The following ITSN2 variants were observed in gnomAD, a reference collection of about 807,000 sequenced individuals.
The protein encoded by ITSN2 is intersectin 2.
Under a neutral mutation model 243.7 loss-of-function variants are expected in ITSN2, and 156 were observed. The observed-to-expected ratio is 0.64, with a 90% CI of 0.56 to 0.73. The LOEUF is 0.73. Among genes scored for constraint, ITSN2 ranks in the 30% least tolerant of loss-of-function variants. ITSN2 has a pLI of 0.00. For missense variants in ITSN2, 1,801 were observed against 1,996.1 expected, an observed-to-expected ratio of 0.90 and a Z score of 1.86; for synonymous variants, 703 against 699.9, an observed-to-expected ratio of 1.00 and a Z score of -0.07.
At position 24,356,287 on chromosome 2, in the gene ITSN2, G is replaced by A. The variant is rs182377378; in HGVS notation, c.-34+4017C>T. Among the ~76,000 whole-genome samples, 353 of 148,442 alleles carry A rather than the reference G, an allele frequency of 2.4e-3. 1 individual carries two copies. The highest frequency in any genetic ancestry group is 3.9e-3 in the Non-Finnish European group (263 of 67,374). ...GGTGAACCTGGTAGGCAGAGATTGT[G>A]GTGAGCCAAGATGGCACCACGGCAC... On this transcript the variant is annotated intron_variant, in intron 1 of 39. Coordinates refer to ENST00000355123, the MANE Select transcript of ITSN2 (RefSeq NM_006277.3).
At chr2:24,290,711 C>T (rs1351045016) in intron 15 of ITSN2, among the ~76,000 whole-genome samples, 1 of 152,202 alleles carries the variant, frequency 6.6e-6, no homozygotes, top group Non-Finnish European at 1.5e-5. Context: ...AAATCACTTA[C>T]TGAAAGCCCA....
In ITSN2 at chr2:24,257,878, A is replaced by G; in HGVS notation, c.2888+10T>C. 6.2e-7 allele frequency: 1 copy of G among 1,601,930 alleles called. No homozygotes were observed. The highest frequency in any genetic ancestry group is 1.1e-5 in the South Asian group (1 of 90,788). On this transcript the variant is annotated intron_variant, in intron 23 of 39. Transcript: ENST00000355123. ...ATCCACATCTCATGAAAACACATAA[A>G]GATGCTTACTCTTCCCGTTTTACTT... is the stretch of plus-strand genomic sequence containing the variant.
At position 24,308,635 on chromosome 2, in the gene ITSN2, T is replaced by C. The variant is rs373744022; in HGVS notation, c.775A>G (p.Met259Val). The change falls in exon 8 of 40, where the codon ATG becomes GTG. Residue 259 changes from methionine (M) to valine (V), a missense_variant. Physicochemically the swap from Met to Val is conservative, Grantham distance 21. Coordinates refer to ENST00000355123, the MANE Select transcript of ITSN2 (RefSeq NM_006277.3). ...TGCTTACCTGAGAGATATCCACTCA[T>C]ACTTTTGTCAAGAGTATTAAATTTT... ...RQKFNTLDKS[M>V]SGYLSGFQAR... The C allele has an allele frequency of 1.9e-5, 28 of 1,513,094 alleles. No homozygotes were observed. The highest frequency in any genetic ancestry group is 2.3e-5 in the Non-Finnish European group (26 of 1,126,062). The allele number at this position is 1,513,094 out of a possible 1,614,324, so 93.7% of individuals were successfully genotyped here.
intron 1 of ITSN2, among the ~76,000 whole-genome samples, chr2:24,328,503 C>T (rs529683446): frequency 2.8e-4 from 43 of 151,820 alleles, no homozygotes; most frequent in African/African-American, 9.9e-4. Context: ...CACTCTGTCA[C>T]CCAGGCTGGA....
chr2:24,248,371 A>G (rs527250779), intron 27 of ITSN2, among the ~76,000 whole-genome samples: 1 of 152,302 alleles, frequency 6.6e-6, no homozygotes, highest in South Asian at 2.1e-4. Flanking sequence ...TGAATTATAA[A>G]GGAATGCATT....
At chr2:24,318,875 T>G (rs1270595252) in intron 2 of ITSN2, among the ~76,000 whole-genome samples, 1 of 152,146 alleles carries the variant, frequency 6.6e-6, no homozygotes, top group East Asian at 1.9e-4. Context: ...AGGTGAGCGG[T>G]GGGCAAGTGA....
intron 23 of ITSN2, 61 bp downstream of exon 23, chr2:24,257,827 G>T: frequency 8.1e-7 from 1 of 1,227,990 alleles, no homozygotes; most frequent in Non-Finnish European, 1.2e-6. Context: ...TCAGACCATG[G>T]CTGACTCATT....
At chr2:24,208,845 G>T (rs1669192599) in intron 36 of ITSN2, among the ~76,000 whole-genome samples, 1 of 152,226 alleles carries the variant, frequency 6.6e-6, no homozygotes, top group Admixed American at 6.5e-5. Context: ...CTGTAGCAGG[G>T]CCTCAGGTGC....
Position 24,328,071 on chromosome 2 carries a change from C to T in ITSN2, c.12G>A (p.Gln4=), listed in dbSNP as rs746180910. The change falls in exon 2 of 40, where the codon CAG becomes CAA. Residue 4 remains glutamine, a synonymous_variant. Coordinates refer to ENST00000355123, the MANE Select transcript of ITSN2 (RefSeq NM_006277.3). ...GCTTACCATTCATAGCTGTGGGAAA[C>T]TGAGCCATCATGGTCCTGAGTTTTC... The part of the protein sequence containing the change: MMA[Q]FPTAMNGGPN... 5.0e-6 allele frequency: 8 copies of T among 1,613,598 alleles called. No homozygotes were observed. The highest frequency in any genetic ancestry group is 6.8e-6 in the Non-Finnish European group (8 of 1,179,880).
At chr2:24,325,448 C>G (rs190468659) in intron 2 of ITSN2, among the ~76,000 whole-genome samples, 2 of 152,012 alleles carry the variant, frequency 1.3e-5, no homozygotes, top group Non-Finnish European at 2.9e-5. Context: ...CTGGGCAATA[C>G]GTGTAATTCA....
chr2:24,254,563 C>T (rs1028412116), intron 23 of ITSN2, 132 bp from the exon 24 acceptor site: 2 of 635,424 alleles, frequency 3.1e-6, no homozygotes, highest in Non-Finnish European at 5.6e-6. Flanking sequence ...AGTCTTAGTA[C>T]ACAGAACTGG....
chr2:24,268,291 G>A (rs1676915956), intron 20 of ITSN2, among the ~76,000 whole-genome samples: 3 of 152,054 alleles, frequency 2.0e-5, no homozygotes, highest in African/African-American at 4.8e-5. Context: ...CTATCTTACC[G>A]GGAATTTGGA....
At chr2:24,254,276 A>C in intron 24 of ITSN2, 91 bp downstream of exon 24, 1 of 856,668 alleles carries the variant, frequency 1.2e-6, no homozygotes, top group Non-Finnish European at 2.0e-6. Flanking sequence ...AGAATATGCA[A>C]CTATGTGAAG....
At chr2:24,234,278 GA>G (rs56253321) in intron 29 of ITSN2, among the ~76,000 whole-genome samples, 10 of 145,398 alleles carry the variant, frequency 6.9e-5, no homozygotes, top group African/African-American at 1.3e-4. Context: ...ATCCAAATGC[GA>G]AAAAAAAAAA....
Position 24,202,877 on chromosome 2 carries a change from C to CTTT in ITSN2, c.*748_*749insAAA, listed in dbSNP as rs1232451994. ...ACTTTGACGAAGTTCCATCCATAAA[C>CTTT]ATATGTCTTTATTCTCTTTCTGTAC... On this transcript the variant is annotated 3_prime_UTR_variant, in exon 40 of 40. Coordinates refer to ENST00000355123, the MANE Select transcript of ITSN2 (RefSeq NM_006277.3). 6.6e-6 allele frequency: 1 copy of CTTT among 152,618 alleles called. No individual in the cohort carries two copies. Among genetic ancestry groups the CTTT allele is most frequent in the Non-Finnish European group, 1.5e-5 (1 of 68,026 alleles). 9.5% of individuals were successfully genotyped at this position (152,618 alleles called of 1,614,324 possible).
intron 29 of ITSN2, among the ~76,000 whole-genome samples, chr2:24,222,371 C>T (rs1670551564): frequency 6.6e-6 from 1 of 151,796 alleles, no homozygotes; most frequent in Non-Finnish European, 1.5e-5. Flanking sequence ...GAGTTCTCAT[C>T]CATGAATACT....
At chr2:24,330,755 G>T in intron 1 of ITSN2, 5 of 531,602 alleles carry the variant, frequency 9.4e-6, no homozygotes, top group South Asian at 5.4e-5. Context: ...TATAAAAAAT[G>T]CAGAATTTCA....
At chr2:24,236,084 G>T (rs533145477) in intron 29 of ITSN2, among the ~76,000 whole-genome samples, 1 of 144,110 alleles carries the variant, frequency 6.9e-6, no homozygotes, top group East Asian at 2.0e-4. Context: ...ATAGCCAAAT[G>T]GTTGAAACAA....
chr2:24,361,024 T>C (rs1021225243), upstream of ITSN2, among the ~76,000 whole-genome samples: 1 of 152,222 alleles, frequency 6.6e-6, no homozygotes, highest in Non-Finnish European at 1.5e-5. Context: ...CCCTTGCCCA[T>C]GGGTCTGTTA....
Sources: allele counts gnomAD v4.1 joint callset (sites outside exome capture counted in the v4.1 genomes callset), GRCh38; gene constraint gnomAD v4.1.1; transcripts MANE v1.5; gene names NCBI Gene and HGNC (gene_info 2026-07-23, HGNC 2026-07-21).